SAMD5: variants seen among roughly 807,000 people sequenced by gnomAD.
SAMD5 encodes sterile alpha motif domain-containing protein 5.
A neutral mutation model predicts 11.3 loss-of-function variants in SAMD5; 13 were observed. The ratio of observed to expected loss-of-function variants is 1.15; its 90% CI spans 0.75 to 1.83. SAMD5 has a LOEUF of 1.83. Ranked by LOEUF, SAMD5 falls within the 40% of genes most tolerant of loss-of-function variation. The pLI is 0.00. For missense variants in SAMD5, 255 were observed against 239.1 expected (o/e 1.07, Z -0.44); for synonymous variants, 129 against 111.3 (o/e 1.16, Z -1.00).
chr6:147,947,740 G>C, the SAMD5 span, among the ~76,000 whole-genome samples: 1 of 152,162 alleles, frequency 6.6e-6, no homozygotes, highest in Non-Finnish European at 1.5e-5. Flanking sequence ...AAAGAGCCCA[G>C]GGGCTGATTA....
At chr6:147,804,381 A>T in the SAMD5 span, among the ~76,000 whole-genome samples, 12 of 152,094 alleles carry the variant, frequency 7.9e-5, no homozygotes, top group Admixed American at 2.0e-4. Context: ...AAGTGCTGGG[A>T]TTACAGGCGT....
chr6:147,795,842 T>C, the SAMD5 span, among the ~76,000 whole-genome samples: 2 of 152,000 alleles, frequency 1.3e-5, no homozygotes, highest in Admixed American at 6.6e-5. Flanking sequence ...TTTCATGTGT[T>C]TTTTGGCTGC....
the SAMD5 span, among the ~76,000 whole-genome samples, chr6:147,764,032 G>T: frequency 3.9e-5 from 6 of 152,158 alleles, no homozygotes; most frequent in Non-Finnish European, 8.8e-5. Flanking sequence ...TTCTTTAAGT[G>T]CTCTTATCCA....
Position 147,562,323 on chromosome 6 carries a change from T to C in SAMD5, c.460-2071T>C, listed in dbSNP as rs192700626. Among the ~76,000 whole-genome samples the C allele has an allele frequency of 2.2e-3, 330 of 152,352 alleles. 1 individual carries two copies. The highest frequency in any genetic ancestry group is 3.4e-3 in the Non-Finnish European group (234 of 68,032). ...ATGGAATCTTGCATTATAATGAGAATGTCTTCAAGAAAAGCGGACTCCCTC... is the reference window on the plus strand; with the variant it reads ...ATGGAATCTTGCATTATAATGAGAACGTCTTCAAGAAAAGCGGACTCCCTC... On this transcript the variant is annotated intron_variant, in intron 1 of 1. Transcript: ENST00000367474.
chr6:147,694,613 T>C (rs1323484033), intron 1 of SAMD5, among the ~76,000 whole-genome samples: 2 of 152,048 alleles, frequency 1.3e-5, no homozygotes, highest in African/African-American at 4.8e-5. Flanking sequence ...GTCCAGGAGT[T>C]TGAGACCAGC....
chr6:147,732,551 G>A (rs888653826), intron 1 of SAMD5, among the ~76,000 whole-genome samples: 1 of 152,176 alleles, frequency 6.6e-6, no homozygotes, highest in African/African-American at 2.4e-5. Flanking sequence ...AGCTTGGCCT[G>A]CTCATACAGC....
At chr6:147,705,311 T>C (rs894925291) in intron 1 of SAMD5, among the ~76,000 whole-genome samples, 1 of 152,190 alleles carries the variant, frequency 6.6e-6, no homozygotes, top group Non-Finnish European at 1.5e-5. Context: ...CTATATACTT[T>C]ATAGTGTCAG....
chr6:147,943,783 C>T, the SAMD5 span, among the ~76,000 whole-genome samples: 1 of 152,162 alleles, frequency 6.6e-6, no homozygotes, highest in Non-Finnish European at 1.5e-5. Flanking sequence ...AATCTCACTC[C>T]TGCCCTCTCA....
At chr6:147,736,833 C>G (rs1296982835) in intron 1 of SAMD5, among the ~76,000 whole-genome samples, 1 of 152,024 alleles carries the variant, frequency 6.6e-6, no homozygotes, top group Non-Finnish European at 1.5e-5. Flanking sequence ...CATGATTTCC[C>G]TTGAAGATGC....
At position 147,621,137 on chromosome 6, in the gene SAMD5, GA is replaced by G. The variant is rs1789958919; in HGVS notation, c.162+111752del. On this transcript the variant is annotated intron_variant, in intron 1 of 1. Transcript: ENST00000566741. ...TGAATTTTACTCTGAAGTTAGAGCA[GA>G]ATGATGTAATCAGAGCCAAGCTTCC... Among the ~76,000 whole-genome samples, 3 of 152,322 alleles carry G rather than the reference GA, an allele frequency of 2.0e-5. No individual in the cohort carries two copies. The South Asian group carries it at 6.2e-4, about 32-fold the overall frequency.
chr6:147,515,176 G>GTTT lies in SAMD5; in HGVS notation c.459+5818_459+5820dup, dbSNP rs71031029. Among the ~76,000 whole-genome samples, 202 of 74,944 alleles carry GTTT rather than the reference G, an allele frequency of 2.7e-3. 8 individuals are homozygous for GTTT. Among genetic ancestry groups the GTTT allele is most frequent in the East Asian group, 5.8e-3 (13 of 2,242 alleles). 49.2% of individuals were successfully genotyped at this position (74,944 alleles called of 152,430 possible). On this transcript the variant is annotated intron_variant, in intron 1 of 1. Transcript: ENST00000367474. ...ATACCCTCAACCTATATCCTTCCAG[G>GTTT]TTTTTTTTTTTTTTTTTTTTTTTTT...
chr6:147,546,541 A>AAAAAAAAAAT lies in SAMD5; in HGVS notation c.460-17851_460-17850insAAAAAAATAA, dbSNP rs1341160604. 3.2e-4 allele frequency among the ~76,000 whole-genome samples: 49 copies of AAAAAAAAAAT among 151,582 alleles called. 1 individual carries two copies. In the East Asian group the frequency reaches 8.8e-3, roughly 27 times the overall value. ...GCGAAACTCTGTCTCAAAAAAAAAA[A>AAAAAAAAAAT]AATAGAGTGAGGCCTGGAAGTGACT... On this transcript the variant is annotated intron_variant, in intron 1 of 1. Coordinates refer to ENST00000367474, the MANE Select transcript of SAMD5 (RefSeq NM_001030060.3).
At chr6:147,752,956 G>A in the SAMD5 span, among the ~76,000 whole-genome samples, 2 of 152,208 alleles carry the variant, frequency 1.3e-5, no homozygotes, top group South Asian at 4.1e-4. Context: ...ACAATTGGAA[G>A]CAATTTGTGG....
At chr6:147,816,304 AT>A in the SAMD5 span, among the ~76,000 whole-genome samples, 187 of 33,404 alleles carry the variant, frequency 5.6e-3, 3 homozygotes, top group Middle Eastern at 0.015. Flanking sequence ...AAAAAAAAAT[AT>A]ATATATATAT....
chr6:147,816,301 A>AAAAAAAAAATATAT, the SAMD5 span, among the ~76,000 whole-genome samples: 24 of 66,342 alleles, frequency 3.6e-4, no homozygotes, highest in African/African-American at 1.0e-3. Flanking sequence ...AAAAAAAAAA[A>AAAAAAAAAATATAT]ATATATATAT....
the SAMD5 span, among the ~76,000 whole-genome samples, chr6:147,885,126 G>A: frequency 6.6e-6 from 1 of 152,082 alleles, no homozygotes; most frequent in East Asian, 1.9e-4. Context: ...TGCCAGTATT[G>A]CTTTTGTCTC....
At chr6:147,538,191 C>T (rs1454790964) in intron 1 of SAMD5, among the ~76,000 whole-genome samples, 1 of 152,108 alleles carries the variant, frequency 6.6e-6, no homozygotes, top group Non-Finnish European at 1.5e-5. Flanking sequence ...GTGTTTTAAC[C>T]TATGGAAAAA....
the SAMD5 span, among the ~76,000 whole-genome samples, chr6:147,942,245 G>A: frequency 2.0e-5 from 3 of 152,266 alleles, no homozygotes; most frequent in South Asian, 4.1e-4. Context: ...GCAGTGCAGT[G>A]GGAAGGGCAC....
At chr6:147,633,905 C>T (rs1393609086) in intron 1 of SAMD5, among the ~76,000 whole-genome samples, 1 of 152,012 alleles carries the variant, frequency 6.6e-6, no homozygotes, top group Non-Finnish European at 1.5e-5. Context: ...AGTTGCATAA[C>T]CATCACCACA....
Sources: gnomAD v4.1 joint callset for allele counts (sites outside exome capture counted in the v4.1 genomes callset) on GRCh38, gnomAD v4.1.1 for gene constraint, MANE v1.5 for transcripts, NCBI Gene and HGNC (gene_info 2026-07-23, HGNC 2026-07-21) for gene names.